Variants in ZDHHC21 observed in about 807,000 individuals in gnomAD.
ZDHHC21 encodes the protein zDHHC palmitoyltransferase 21, also known as palmitoyltransferase ZDHHC21.
In ZDHHC21, 15 loss-of-function variants were observed where a neutral mutation model predicts 34.6. The observed-to-expected ratio is 0.43, with a 90% CI of 0.29 to 0.67. The LOEUF (loss-of-function observed/expected upper bound fraction) is 0.67, where lower values mean the gene tolerates loss of function less well. Among genes scored for constraint, ZDHHC21 ranks in the 30% least tolerant of loss-of-function variants. The pLI, the probability that ZDHHC21 is intolerant of heterozygous loss-of-function variation, is 0.14. For synonymous variants in ZDHHC21, 142 were observed against 101.8 expected, an observed-to-expected ratio of 1.40 and a Z score of -2.38; for missense variants, 344 against 327.7, an observed-to-expected ratio of 1.05 and a Z score of -0.38.
At position 14,658,806 on chromosome 9, in the gene ZDHHC21, T is replaced by C. The variant is rs751509120; in HGVS notation, c.447A>G (p.Ala149=). 3 of 1,613,848 alleles carry C rather than the reference T, an allele frequency of 1.9e-6. No individual in the cohort carries two copies. The highest frequency in any genetic ancestry group is 1.7e-5 in the Admixed American group (1 of 59,992). The change falls in exon 7 of 10, where the codon GCA becomes GCG. Residue 149 remains alanine (A), a synonymous_variant. Coordinates refer to ENST00000380916, the MANE Select transcript of ZDHHC21 (RefSeq NM_178566.6). ...AATAGTGGCAGAAAGAAAACATCAG[T>C]GCGTAGCAAGTAAGAAGTTCAGTGT... is the stretch of plus-strand genomic sequence containing the variant. ...CFYTELLTCY[A]LMFSFCHYYY...
At chr9:14,666,717 A>T (rs1371291262) in intron 5 of ZDHHC21, among the ~76,000 whole-genome samples, 1 of 93,264 alleles carries the variant, frequency 1.1e-5, no homozygotes, top group African/African-American at 3.6e-5. Flanking sequence ...GCTCAACTAC[A>T]TGGAAACTGA....
At chr9:14,592,136 C>G in the ZDHHC21 span, among the ~76,000 whole-genome samples, 1 of 151,796 alleles carries the variant, frequency 6.6e-6, no homozygotes, top group Non-Finnish European at 1.5e-5. Context: ...TTTCTTCCTG[C>G]TTTTGTATTA....
chr9:14,685,173 C>T (rs1414027434), intron 2 of ZDHHC21, among the ~76,000 whole-genome samples: 1 of 151,618 alleles, frequency 6.6e-6, no homozygotes, highest in Admixed American at 6.6e-5. Context: ...ACACCAAAAG[C>T]AATGGCAACA....
intron 2 of ZDHHC21, among the ~76,000 whole-genome samples, chr9:14,690,059 A>C (rs979436193): frequency 1.3e-5 from 2 of 152,208 alleles, no homozygotes; most frequent in African/African-American, 4.8e-5. Context: ...CAGGGATTTA[A>C]AAAGGTAACT....
At chr9:14,691,596 T>C in intron 1 of ZDHHC21, among the ~76,000 whole-genome samples, 1 of 152,216 alleles carries the variant, frequency 6.6e-6, no homozygotes, top group Non-Finnish European at 1.5e-5. Context: ...ATTTCTCTTA[T>C]TAAACAAAGT....
At chr9:14,661,085 A>G (rs1376816809) in intron 6 of ZDHHC21, among the ~76,000 whole-genome samples, 2 of 152,204 alleles carry the variant, frequency 1.3e-5, no homozygotes, top group East Asian at 3.8e-4. Flanking sequence ...ACAGTTTTGA[A>G]TATCAACTAT....
chr9:14,674,451 G>A (rs1442191039), intron 3 of ZDHHC21, 66 bp from the exon 4 acceptor site: 2 of 1,016,782 alleles, frequency 2.0e-6, no homozygotes, highest in African/African-American at 1.7e-5. Flanking sequence ...CTGTATTTCT[G>A]GCAACTTTTA....
Position 14,638,166 on chromosome 9 carries a change from A to G in ZDHHC21, c.621+1730T>C, listed in dbSNP as rs557122597. The stretch of plus-strand genomic sequence containing the variant: ...AACCAAAATAGCATAGTATCTGTAT[A>G]AAAGCAGACACATAGACACACAGAC... On this transcript the variant is annotated intron_variant, in intron 8 of 9. Transcript: ENST00000380916. 4.2e-4 allele frequency among the ~76,000 whole-genome samples: 64 copies of G among 152,168 alleles called. 1 individual carries two copies. Among genetic ancestry groups the G allele is most frequent in the African/African-American group, 1.5e-3 (64 of 41,554 alleles).
intron 8 of ZDHHC21, among the ~76,000 whole-genome samples, chr9:14,624,675 A>T (rs1825901848): frequency 1.3e-5 from 2 of 152,032 alleles, no homozygotes; most frequent in Admixed American, 1.3e-4. Context: ...GGGGAAGAGG[A>T]TGGTCGATGG....
Position 14,689,927 on chromosome 9 carries a change from T to C in ZDHHC21, c.-176+410A>G, listed in dbSNP as rs543708944. Among the ~76,000 whole-genome samples the C allele has an allele frequency of 8.5e-5, 13 of 152,184 alleles. No individual in the cohort carries two copies. The South Asian group carries it at 2.7e-3, about 32-fold the overall frequency. Reference sequence around the variant, plus strand: ...AAATAGCTTGGGAGGTGTGGGGTGATACGAATTAAAGACCACCAAATATTG... The same window carrying C: ...AAATAGCTTGGGAGGTGTGGGGTGACACGAATTAAAGACCACCAAATATTG... On this transcript the variant is annotated intron_variant, in intron 2 of 9. Coordinates refer to ENST00000380916, the MANE Select transcript of ZDHHC21 (RefSeq NM_178566.6).
At chr9:14,693,091 G>T (rs914981283) in intron 1 of ZDHHC21, 138 bp downstream of exon 1, 3 of 202,578 alleles carry the variant, frequency 1.5e-5, no homozygotes, top group Non-Finnish European at 3.0e-5. Flanking sequence ...GGGCGTGCAG[G>T]AACAGGTGAG....
At chr9:14,660,778 T>C (rs1411904127) in intron 6 of ZDHHC21, among the ~76,000 whole-genome samples, 1 of 152,106 alleles carries the variant, frequency 6.6e-6, no homozygotes, top group Non-Finnish European at 1.5e-5. Context: ...CACCAATAAG[T>C]GAGTCTTTCC....
chr9:14,674,839 G>T (rs1271384835), intron 3 of ZDHHC21, among the ~76,000 whole-genome samples: 1 of 151,916 alleles, frequency 6.6e-6, no homozygotes, highest in African/African-American at 2.4e-5. Context: ...TGGTTGCAGG[G>T]GTGTATATTA....
chr9:14,602,531 C>G, the ZDHHC21 span, among the ~76,000 whole-genome samples: 8 of 151,762 alleles, frequency 5.3e-5, no homozygotes, highest in East Asian at 1.4e-3. Flanking sequence ...CCAATGCACA[C>G]ACCATATAGT....
chr9:14,689,743 A>G (rs551289216), intron 2 of ZDHHC21, among the ~76,000 whole-genome samples: 1 of 152,262 alleles, frequency 6.6e-6, no homozygotes, highest in Admixed American at 6.5e-5. Flanking sequence ...CTTTAGAGAA[A>G]GTAGATAACT....
chr9:14,621,880 A>T (rs563428731), intron 8 of ZDHHC21, among the ~76,000 whole-genome samples: 1 of 152,242 alleles, frequency 6.6e-6, no homozygotes, highest in Non-Finnish European at 1.5e-5. Flanking sequence ...TTTGGAATTA[A>T]AAAAAACCAC....
rs138359707 is a variant in ZDHHC21 at position 14,612,680 on chromosome 9, A to ATC, written c.*6284_*6285dup. The ATC allele has an allele frequency of 2.0e-4, 30 of 151,306 alleles. No homozygotes were observed. Among genetic ancestry groups the ATC allele is most frequent in the African/African-American group, 6.5e-4 (27 of 41,252 alleles). The allele number at this position is 151,306 out of a possible 1,614,324, so 9.4% of individuals were successfully genotyped here. A position where few individuals can be genotyped will look rare whatever the true frequency, so the allele number is the denominator to read the frequency against. On this transcript the variant is annotated 3_prime_UTR_variant, in exon 10 of 10. Coordinates refer to ENST00000380916, the MANE Select transcript of ZDHHC21 (RefSeq NM_178566.6). The stretch of plus-strand genomic sequence containing the variant: ...CATATGCATTTCCTCTTGGGAAAGC[A>ATC]TCTCTCTCTCTGTCTCTCTCTCTGT...
the ZDHHC21 span, among the ~76,000 whole-genome samples, chr9:14,604,832 C>A: frequency 2.0e-5 from 3 of 152,208 alleles, no homozygotes; most frequent in Middle Eastern, 3.4e-3. Context: ...ACTTTTTAAA[C>A]TCGCGTGACA....
the ZDHHC21 span, among the ~76,000 whole-genome samples, chr9:14,601,554 TA>T: frequency 6.6e-6 from 1 of 152,178 alleles, no homozygotes; most frequent in Non-Finnish European, 1.5e-5. Context: ...GGTGGGAGTG[TA>T]AATTAGTTCA....
Sources: allele counts gnomAD v4.1 joint callset (sites outside exome capture counted in the v4.1 genomes callset), GRCh38; gene constraint gnomAD v4.1.1; transcripts MANE v1.5; gene names NCBI Gene and HGNC (gene_info 2026-07-23, HGNC 2026-07-21).